Variants in HOXD3 observed in about 807,000 individuals in gnomAD.
HOXD3 encodes homeobox D3, also known as homeobox protein Hox-D3.
HOXD3 carries 13 observed loss-of-function variants against 32.8 expected under a neutral mutation model. The observed-to-expected ratio is 0.40, with a 90% confidence interval of 0.26 to 0.63. The LOEUF is 0.63. Ranked by LOEUF, HOXD3 falls within the 20% of genes least tolerant of loss-of-function variation. HOXD3 has a pLI of 0.44. For synonymous variants in HOXD3, 241 were observed against 246.8 expected, an observed-to-expected ratio of 0.98 and a Z score of 0.22; for missense variants, 504 against 577.1, an observed-to-expected ratio of 0.87 and a Z score of 1.30.
At position 176,171,895 on chromosome 2, in the gene HOXD3, C is replaced by T. The variant is rs1559142676; in HGVS notation, c.920C>T (p.Pro307Leu). Residue 307 changes from proline (P) to leucine (L), a missense_variant, in exon 4 of 4, where the codon CCC (proline) becomes CTC (leucine). By Grantham distance (98) the Pro-to-Leu change is moderately conservative (BLOSUM62 -3). Around this residue, in one of 3 missense-constraint regions of HOXD3, gnomAD observed 226 missense variants for 246.9 expected, o/e 0.92. Transcript: ENST00000683222. ...CCGCCTGCTTTCGCCAAATCACAGC[C>T]CAATATGTACGGCCTGGCCGCCTAC... ...PSPPAFAKSQPNMYGLAAYTA... is the reference protein window; with the variant it reads ...PSPPAFAKSQLNMYGLAAYTA... 1 of 1,607,964 alleles carries T rather than the reference C, an allele frequency of 6.2e-7. No homozygotes were observed. The highest frequency in any genetic ancestry group is 1.1e-5 in the South Asian group (1 of 90,442).
rs187060066 is a variant in HOXD3 at position 176,160,496 on chromosome 2, T to G, written c.-181+3044T>G. Reference sequence around the variant, plus strand: ...GTCTGCCCCAGGAATGGGGCCCAGGTCCCAAGCCTCCTGCGCCCTTCCTTC... The same window carrying G: ...GTCTGCCCCAGGAATGGGGCCCAGGGCCCAAGCCTCCTGCGCCCTTCCTTC... On this transcript the variant is annotated intron_variant, in intron 1 of 3. Transcript: ENST00000683222. Among the ~76,000 whole-genome samples, 213 of 152,262 alleles carry G rather than the reference T, an allele frequency of 1.4e-3. 1 individual carries two copies. Among genetic ancestry groups the G allele is most frequent in the Non-Finnish European group, 2.6e-3 (177 of 68,008 alleles).
intron 2 of HOXD3, chr2:176,165,632 C>A (rs1171909909): frequency 1.3e-5 from 2 of 152,372 alleles, no homozygotes; most frequent in Non-Finnish European, 2.9e-5. Context: ...GGGGAGGCTG[C>A]CCTGGCCAGT....
rs565909386 is a variant in HOXD3 at position 176,159,615 on chromosome 2, GGAGGTCCGCT to G, written c.-181+2165_-181+2174del. The stretch of plus-strand genomic sequence containing the variant: ...GGTCTTGGGCGCTCATTACAGGCCA[GGAGGTCCGCT>G]GCTGGCGCTGGCACGCTTAATTCTT... On this transcript the variant is annotated intron_variant, in intron 1 of 3. Coordinates refer to ENST00000683222, the MANE Select transcript of HOXD3 (RefSeq NM_006898.5). Among the ~76,000 whole-genome samples, 38 of 152,366 alleles carry G rather than the reference GGAGGTCCGCT, an allele frequency of 2.5e-4. No individual in the cohort carries two copies. In the East Asian group the frequency reaches 4.1e-3, roughly 16 times the overall value.
chr2:176,171,434 G>A (rs1691176165), intron 3 of HOXD3, 83 bp from the exon 4 acceptor site: 1 of 1,272,262 alleles, frequency 7.9e-7, no homozygotes. Flanking sequence ...AGGAGGAAAA[G>A]AGAACCAGGG....
chr2:176,161,046 C>G (rs932750458), intron 1 of HOXD3: 1 of 152,238 alleles, frequency 6.6e-6, no homozygotes, highest in Non-Finnish European at 1.5e-5. Context: ...ACTCTGAGGC[C>G]GAGGACACCA....
At chr2:176,159,282 G>A (rs990922458) in intron 1 of HOXD3, among the ~76,000 whole-genome samples, 5 of 152,120 alleles carry the variant, frequency 3.3e-5, no homozygotes, top group African/African-American at 1.2e-4. Context: ...GAGACGCCCC[G>A]AGTGGGCCTC....
upstream of HOXD3, chr2:176,152,987 C>A (rs1278308804): frequency 1.3e-6 from 2 of 1,585,666 alleles, no homozygotes; most frequent in Admixed American, 1.7e-5. The surrounding 1 kb of genome is among the most constrained non-coding windows in gnomAD (Gnocchi z 5.2). Flanking sequence ...CCAGGCTGAG[C>A]CGAAGCTGCG....
chr2:176,162,234 C>T (rs550485260), intron 1 of HOXD3, among the ~76,000 whole-genome samples: 1 of 152,248 alleles, frequency 6.6e-6, no homozygotes, highest in Non-Finnish European at 1.5e-5. Context: ...AGCTGCGCGC[C>T]TGCCAGCTTA....
upstream of HOXD3, among the ~76,000 whole-genome samples, chr2:176,155,802 C>G (rs1227828940): frequency 6.6e-6 from 1 of 152,092 alleles, no homozygotes; most frequent in Non-Finnish European, 1.5e-5. Context: ...AAACAAAAAC[C>G]GTGTTGGGGT....
intron 2 of HOXD3, chr2:176,164,731 C>T (rs1313688934): frequency 1.3e-5 from 2 of 152,154 alleles, no homozygotes; most frequent in Non-Finnish European, 2.9e-5. Context: ...AGAAACTGAC[C>T]GCAACCTCCA....
intron 1 of HOXD3, among the ~76,000 whole-genome samples, chr2:176,163,307 G>C (rs1380399867): frequency 6.6e-6 from 1 of 152,026 alleles, no homozygotes; most frequent in Admixed American, 6.6e-5. Flanking sequence ...CAGGGCAGAT[G>C]CAAGAGGGGG....
upstream of HOXD3, among the ~76,000 whole-genome samples, chr2:176,156,774 G>C (rs1690653667): frequency 6.6e-6 from 1 of 152,204 alleles, no homozygotes; most frequent in South Asian, 2.1e-4. Context: ...GCCAAGACAG[G>C]AGTCCCAAAA....
At chr2:176,164,479 CGG>C (rs904166910) in intron 2 of HOXD3, 1 of 152,168 alleles carries the variant, frequency 6.6e-6, no homozygotes, top group African/African-American at 2.4e-5. Flanking sequence ...GCTTAGAGAT[CGG>C]GAGAACTTGG....
At chr2:176,161,594 C>A (rs376445076) in intron 1 of HOXD3, among the ~76,000 whole-genome samples, 5 of 150,336 alleles carry the variant, frequency 3.3e-5, no homozygotes, top group African/African-American at 1.2e-4. Context: ...CAGCTCCCTG[C>A]ATTGTTCCGG....
intron 2 of HOXD3, among the ~76,000 whole-genome samples, chr2:176,168,566 T>TAAAACAAAACAAAAC (rs71879647): frequency 0.035 from 5,327 of 150,334 alleles, 278 homozygotes; most frequent in African/African-American, 0.11. Context: ...AAATTCCATC[T>TAAAACAAAACAAAAC]AAAACAAAAC....
At chr2:176,159,637 C>T (rs1401775269) in intron 1 of HOXD3, among the ~76,000 whole-genome samples, 1 of 152,250 alleles carries the variant, frequency 6.6e-6, no homozygotes, top group African/African-American at 2.4e-5. Context: ...CTGGCGCTGG[C>T]ACGCTTAATT....
At chr2:176,163,679 A>G (rs1043851410) in intron 1 of HOXD3, among the ~76,000 whole-genome samples, 1 of 151,964 alleles carries the variant, frequency 6.6e-6, no homozygotes, top group African/African-American at 2.4e-5. Context: ...CCCCCACCTT[A>G]ATTCTGCACG....
chr2:176,169,689 G>C (rs752858949), intron 3 of HOXD3, 34 bp downstream of exon 3: 1 of 1,544,564 alleles, frequency 6.5e-7, no homozygotes, highest in South Asian at 1.3e-5. Flanking sequence ...GCCAGACCAA[G>C]CCCCCTCCAG....
intron 1 of HOXD3, among the ~76,000 whole-genome samples, chr2:176,162,952 C>G (rs560709379): frequency 3.1e-4 from 47 of 152,328 alleles, no homozygotes; most frequent in African/African-American, 1.1e-3. Flanking sequence ...GACCAGCTGG[C>G]TTGAGAGCCC....
Sources: gnomAD v4.1 joint callset for allele counts (sites outside exome capture counted in the v4.1 genomes callset) on GRCh38, gnomAD v4.1.1 for gene constraint, gnomAD v4.1.1 regional missense constraint, Gnocchi (gnomAD v3.1) non-coding constraint, MANE v1.5 for transcripts, NCBI Gene and HGNC (gene_info 2026-07-23, HGNC 2026-07-21) for gene names.